The following HPSE2 variants were observed in gnomAD, a reference collection of about 807,000 sequenced individuals.
The protein encoded by HPSE2 is heparanase 2 (inactive).
Under a neutral mutation model 60.5 loss-of-function variants are expected in HPSE2, and 38 were observed. The ratio of observed to expected loss-of-function variants is 0.63; its 90% CI spans 0.48 to 0.82. HPSE2 has a LOEUF of 0.82. Ranked by LOEUF, HPSE2 falls within the 40% of genes least tolerant of loss-of-function variation. HPSE2 has a pLI of 0.00. For missense variants in HPSE2, 713 were observed against 740.4 expected, an observed-to-expected ratio of 0.96 and a Z score of 0.43; for synonymous variants, 295 against 293.2, an observed-to-expected ratio of 1.01 and a Z score of -0.06.
intron 3 of HPSE2, among the ~76,000 whole-genome samples, chr10:98,771,289 G>A (rs1467043089): frequency 2.0e-5 from 3 of 152,132 alleles, no homozygotes; most frequent in Non-Finnish European, 4.4e-5. Flanking sequence ...TATGCTATCA[G>A]GGCTATATTG....
chr10:98,675,555 C>T (rs1489208579), intron 6 of HPSE2, among the ~76,000 whole-genome samples: 1 of 151,406 alleles, frequency 6.6e-6, no homozygotes, highest in African/African-American at 2.4e-5. Context: ...CACACACACA[C>T]ACACACACAC....
At chr10:98,770,684 T>C (rs1424887389) in intron 3 of HPSE2, among the ~76,000 whole-genome samples, 3 of 152,170 alleles carry the variant, frequency 2.0e-5, no homozygotes, top group Admixed American at 6.5e-5. Context: ...ATTAGACTGG[T>C]CTGAAGGCTT....
chr10:98,864,413 C>T (rs1454122694), intron 3 of HPSE2, among the ~76,000 whole-genome samples: 1 of 152,114 alleles, frequency 6.6e-6, no homozygotes, highest in Non-Finnish European at 1.5e-5. Flanking sequence ...CACACACACT[C>T]CACCAAGTAC....
intron 3 of HPSE2, among the ~76,000 whole-genome samples, chr10:98,968,329 A>G (rs1955865401): frequency 6.6e-6 from 1 of 152,154 alleles, no homozygotes; most frequent in Non-Finnish European, 1.5e-5. Context: ...AAGAATGGCC[A>G]TAATTTAAAA....
At chr10:99,200,751 A>G (rs1411827232) in intron 2 of HPSE2, among the ~76,000 whole-genome samples, 1 of 152,174 alleles carries the variant, frequency 6.6e-6, no homozygotes, top group Non-Finnish European at 1.5e-5. Flanking sequence ...AGAACATATA[A>G]TTGTAAGAAA....
At chr10:99,070,580 A>G in intron 3 of HPSE2, among the ~76,000 whole-genome samples, 1 of 152,238 alleles carries the variant, frequency 6.6e-6, no homozygotes, top group South Asian at 2.1e-4. Flanking sequence ...TACAGGTACA[A>G]TGTTGTACAG....
At chr10:98,598,033 GC>G (rs1244710014) in intron 9 of HPSE2, among the ~76,000 whole-genome samples, 4 of 150,534 alleles carry the variant, frequency 2.7e-5, no homozygotes, top group African/African-American at 9.8e-5. Flanking sequence ...GATCCCATAG[GC>G]TTTCTTCATT....
chr10:99,215,703 C>T (rs1849097387), intron 2 of HPSE2, among the ~76,000 whole-genome samples: 1 of 152,084 alleles, frequency 6.6e-6, no homozygotes, highest in Non-Finnish European at 1.5e-5. Flanking sequence ...ATAAGCAAAC[C>T]AATAGAGACA....
intron 2 of HPSE2, among the ~76,000 whole-genome samples, chr10:99,221,831 G>A (rs1182785252): frequency 6.6e-6 from 1 of 152,128 alleles, no homozygotes; most frequent in Non-Finnish European, 1.5e-5. Context: ...AGTGCAGACT[G>A]ACCTTAGGGA....
chr10:99,184,522 C>CAAAAAAAAAAAAAAAAAAA (rs200059066), intron 2 of HPSE2, among the ~76,000 whole-genome samples: 2 of 60,788 alleles, frequency 3.3e-5, no homozygotes, highest in Non-Finnish European at 5.2e-5. Flanking sequence ...GAGACTGTCT[C>CAAAAAAAAAAAAAAAAAAA]AAAAAAAAAA....
chr10:99,295,301 T>C, the HPSE2 span, among the ~76,000 whole-genome samples: 27 of 151,976 alleles, frequency 1.8e-4, no homozygotes, highest in African/African-American at 6.0e-4. Flanking sequence ...AACCAGGAAA[T>C]AATCCAAAGT....
intron 3 of HPSE2, among the ~76,000 whole-genome samples, chr10:98,807,051 G>A (rs1178577073): frequency 3.9e-5 from 6 of 152,304 alleles, no homozygotes; most frequent in East Asian, 1.9e-4. Context: ...GCTGAGGCAG[G>A]AGAATTGCTT....
chr10:99,066,087 C>T (rs192638457), intron 3 of HPSE2, among the ~76,000 whole-genome samples: 2 of 152,032 alleles, frequency 1.3e-5, no homozygotes, highest in African/African-American at 4.8e-5. Flanking sequence ...AACAGAATTC[C>T]CAGAAACAGT....
intron 3 of HPSE2, among the ~76,000 whole-genome samples, chr10:99,115,455 ATTTT>A (rs997027759): frequency 6.9e-6 from 1 of 145,580 alleles, no homozygotes. Flanking sequence ...CGCTTGGCCA[ATTTT>A]TTTTTTTTTA....
chr10:98,989,802 T>A (rs1374609564), intron 3 of HPSE2, among the ~76,000 whole-genome samples: 1 of 152,190 alleles, frequency 6.6e-6, no homozygotes, highest in Non-Finnish European at 1.5e-5. Flanking sequence ...GTATATCACC[T>A]GTTGCAATGA....
chr10:99,134,471 G>C (rs1845566142), intron 3 of HPSE2, among the ~76,000 whole-genome samples: 1 of 152,180 alleles, frequency 6.6e-6, no homozygotes, highest in Non-Finnish European at 1.5e-5. Flanking sequence ...CAGCCAGAGA[G>C]AAAGTTCGGG....
intron 9 of HPSE2, among the ~76,000 whole-genome samples, chr10:98,512,812 A>AACACACAC (rs71007394): frequency 0.022 from 2,751 of 124,594 alleles, 58 homozygotes; most frequent in Middle Eastern, 0.042. Flanking sequence ...CCCACCCCCC[A>AACACACAC]ACACACACAC....
chr10:99,040,890 T>C (rs941854345), intron 3 of HPSE2, among the ~76,000 whole-genome samples: 2 of 151,974 alleles, frequency 1.3e-5, no homozygotes, highest in Admixed American at 6.6e-5. Flanking sequence ...ATCGAGACCA[T>C]CCTGGCTAAC....
chr10:99,226,197 T>C (rs1333045108), intron 2 of HPSE2, among the ~76,000 whole-genome samples: 4 of 151,982 alleles, frequency 2.6e-5, no homozygotes, highest in African/African-American at 9.7e-5. Flanking sequence ...CCTCTCTTCT[T>C]GTCTCTCTCT....
Sources: gnomAD v4.1 joint callset for allele counts (sites outside exome capture counted in the v4.1 genomes callset) on GRCh38, gnomAD v4.1.1 for gene constraint, MANE v1.5 for transcripts, NCBI Gene and HGNC (gene_info 2026-07-23, HGNC 2026-07-21) for gene names.